TTC28: variants seen among roughly 807,000 people sequenced by gnomAD.
TTC28 encodes tetratricopeptide repeat domain 28, also known as tetratricopeptide repeat protein 28.
Under a neutral mutation model 198.0 loss-of-function variants are expected in TTC28, and 61 were observed. The ratio of observed to expected loss-of-function variants is 0.31; its 90% CI spans 0.25 to 0.38. TTC28 has a LOEUF of 0.38. Ranked by LOEUF, TTC28 falls within the 10% of genes least tolerant of loss-of-function variation. TTC28 has a pLI of 1.00. For synonymous variants in TTC28, 1,171 were observed against 1,297.8 expected (o/e 0.90, Z 2.10); for missense variants, 2,678 against 3,164.0 (o/e 0.85, Z 3.69).
At chr22:28,316,331 T>C (rs2045351102) in intron 2 of TTC28, among the ~76,000 whole-genome samples, 1 of 152,194 alleles carries the variant, frequency 6.6e-6, no homozygotes, top group South Asian at 2.1e-4. Context: ...TCTCATTACA[T>C]TGTGTTGATT....
chr22:28,128,551 T>C (rs1942974401), intron 6 of TTC28, among the ~76,000 whole-genome samples: 1 of 152,058 alleles, frequency 6.6e-6, no homozygotes, highest in African/African-American at 2.4e-5. Context: ...TTTATTTTTG[T>C]TTTTGAGACA....
At chr22:28,387,052 T>G (rs2046616752) in intron 2 of TTC28, among the ~76,000 whole-genome samples, 1 of 152,132 alleles carries the variant, frequency 6.6e-6, no homozygotes, top group Non-Finnish European at 1.5e-5. Context: ...GTCCACGTGT[T>G]CTCATTGTTC....
chr22:28,093,540 T>C (rs145803752), intron 12 of TTC28, among the ~76,000 whole-genome samples: 1,596 of 152,348 alleles, frequency 0.01, 9 homozygotes, highest in Middle Eastern at 0.024. Context: ...TCAATCATTA[T>C]GATAAAATGT....
At chr22:28,255,035 A>C (rs1312499123) in intron 5 of TTC28, among the ~76,000 whole-genome samples, 1 of 152,186 alleles carries the variant, frequency 6.6e-6, no homozygotes, top group Non-Finnish European at 1.5e-5. Context: ...ACAGGATCTC[A>C]AACCACAAAA....
At chr22:28,524,922 A>T (rs2146440034) in intron 2 of TTC28, among the ~76,000 whole-genome samples, 1 of 152,370 alleles carries the variant, frequency 6.6e-6, no homozygotes, top group Admixed American at 6.5e-5. Flanking sequence ...TAGGTAAGAA[A>T]TAATCACAGG....
At chr22:28,285,736 A>T (rs554297766) in intron 5 of TTC28, among the ~76,000 whole-genome samples, 66 of 152,302 alleles carry the variant, frequency 4.3e-4, no homozygotes, top group African/African-American at 1.5e-3. Context: ...AAATTTTTTA[A>T]ATAATCTAAT....
At chr22:28,077,074 C>G (rs531896284) in intron 12 of TTC28, among the ~76,000 whole-genome samples, 1 of 152,310 alleles carries the variant, frequency 6.6e-6, no homozygotes, top group Admixed American at 6.5e-5. Flanking sequence ...TATGTAGCCA[C>G]TATCTTAGGC....
chr22:28,462,181 C>A (rs1037467439), intron 2 of TTC28, among the ~76,000 whole-genome samples: 1 of 152,106 alleles, frequency 6.6e-6, no homozygotes, highest in Non-Finnish European at 1.5e-5. Context: ...TGTATCTAGC[C>A]CATTTAACCT....
intron 2 of TTC28, among the ~76,000 whole-genome samples, chr22:28,313,447 G>A (rs1270096329): frequency 2.6e-5 from 4 of 152,122 alleles, no homozygotes; most frequent in Non-Finnish European, 4.4e-5. Flanking sequence ...GATGAACATC[G>A]ATGCGAAAAT....
intron 12 of TTC28, among the ~76,000 whole-genome samples, chr22:28,085,679 A>G (rs1941563042): frequency 6.6e-6 from 1 of 151,992 alleles, no homozygotes; most frequent in South Asian, 2.1e-4. Context: ...TTTAAATGTA[A>G]ATGGACTAAA....
intron 5 of TTC28, among the ~76,000 whole-genome samples, chr22:28,253,071 G>T (rs1282414756): frequency 1.3e-5 from 2 of 152,226 alleles, no homozygotes; most frequent in South Asian, 2.1e-4. Context: ...TATATGAAAA[G>T]AAAATTATAA....
At chr22:28,476,329 G>T (rs1363392474) in intron 2 of TTC28, among the ~76,000 whole-genome samples, 1 of 152,140 alleles carries the variant, frequency 6.6e-6, no homozygotes, top group Non-Finnish European at 1.5e-5. Context: ...ATAACGTTGT[G>T]TAATATGTGA....
chr22:28,024,652 A>G (rs747533591), intron 13 of TTC28, among the ~76,000 whole-genome samples: 2 of 152,212 alleles, frequency 1.3e-5, no homozygotes, highest in East Asian at 1.9e-4. Context: ...GGCAGATTTC[A>G]TCTCTGCCAC....
intron 5 of TTC28, among the ~76,000 whole-genome samples, chr22:28,269,828 C>T (rs771137196): frequency 7.9e-5 from 12 of 152,054 alleles, no homozygotes; most frequent in Non-Finnish European, 1.6e-4. Context: ...GTTCTGGATC[C>T]AAATCCAACC....
At position 28,479,515 on chromosome 22, in the gene TTC28, C is replaced by T. The variant is rs539001777; in HGVS notation, c.381+150037G>A. ...AAATCTGAACCTTAATATGATTTTA[C>T]ACTAGTGACTGCTGTTGCATGTAAC... On this transcript the variant is annotated intron_variant, in intron 2 of 22. Coordinates refer to ENST00000397906, the MANE Select transcript of TTC28 (RefSeq NM_001145418.2). Among the ~76,000 whole-genome samples the T allele has an allele frequency of 2.0e-5, 3 of 152,286 alleles. No homozygotes were observed. The South Asian group carries it at 6.2e-4, about 32-fold the overall frequency.
Position 28,300,607 on chromosome 22 carries a change from A to G in TTC28, c.530-2755T>C, listed in dbSNP as rs188751905. Among the ~76,000 whole-genome samples the G allele has an allele frequency of 1.6e-4, 25 of 152,378 alleles. No homozygotes were observed. The East Asian group carries it at 2.9e-3, about 18-fold the overall frequency. Reference sequence around the variant, plus strand: ...GCAAAGATCAATGCAAGGATAATATACAAAACATGCTATAAGAGTTTGGAA... The same window carrying G: ...GCAAAGATCAATGCAAGGATAATATGCAAAACATGCTATAAGAGTTTGGAA... On this transcript the variant is annotated intron_variant, in intron 3 of 22. Coordinates refer to ENST00000397906, the MANE Select transcript of TTC28 (RefSeq NM_001145418.2).
intron 2 of TTC28, among the ~76,000 whole-genome samples, chr22:28,533,998 G>A (rs532098027): frequency 5.9e-5 from 9 of 152,262 alleles, no homozygotes; most frequent in Admixed American, 2.6e-4. Flanking sequence ...ACATAGGTAT[G>A]GGCAAGGACT....
In TTC28 at chr22:28,206,358, G is replaced by A. The variant is rs146072202; in HGVS notation, c.934-42759C>T. Among the ~76,000 whole-genome samples the A allele has an allele frequency of 3.5e-3, 529 of 152,200 alleles. 1 individual carries two copies. The highest frequency in any genetic ancestry group is 6.9e-3 in the Admixed American group (106 of 15,262). Reference sequence around the variant, plus strand: ...CAAGTTATGGTCCTACACACCTCCCGATCTTCTGTTTAATTCTGTGGAGAA... The same window carrying A: ...CAAGTTATGGTCCTACACACCTCCCAATCTTCTGTTTAATTCTGTGGAGAA... On this transcript the variant is annotated intron_variant, in intron 5 of 22. Coordinates refer to ENST00000397906, the MANE Select transcript of TTC28 (RefSeq NM_001145418.2).
At chr22:28,177,137 C>G (rs1269606101) in intron 5 of TTC28, among the ~76,000 whole-genome samples, 1 of 152,070 alleles carries the variant, frequency 6.6e-6, no homozygotes, top group Non-Finnish European at 1.5e-5. Flanking sequence ...TGATAAAAGA[C>G]TTATATCAAA....
Sources: gnomAD v4.1 joint callset for allele counts (sites outside exome capture counted in the v4.1 genomes callset) on GRCh38, gnomAD v4.1.1 for gene constraint, MANE v1.5 for transcripts, NCBI Gene and HGNC (gene_info 2026-07-23, HGNC 2026-07-21) for gene names.